HEATR4: variants seen among roughly 807,000 people sequenced by gnomAD.
HEATR4 encodes the protein HEAT repeat-containing protein 4.
In HEATR4, 95 loss-of-function variants were observed where a neutral mutation model predicts 108.8. The observed-to-expected ratio is 0.87, with a 90% CI of 0.74 to 1.04. The LOEUF (loss-of-function observed/expected upper bound fraction) is 1.04. HEATR4 is among the 50% of genes least tolerant of loss of function. The pLI is 0.00. For missense variants in HEATR4, 1,152 were observed against 1,253.8 expected, an observed-to-expected ratio of 0.92 and a Z score of 1.23; for synonymous variants, 443 against 459.4, an observed-to-expected ratio of 0.96 and a Z score of 0.46.
At chr14:73,583,738 G>A in the HEATR4 span, among the ~76,000 whole-genome samples, 3 of 151,876 alleles carry the variant, frequency 2.0e-5, no homozygotes, top group Admixed American at 1.3e-4. Flanking sequence ...GGTGGCTCAC[G>A]CCTGTAATCC....
chr14:73,514,383 G>C, intron 5 of HEATR4, 149 bp from the exon 6 acceptor site: 1 of 669,470 alleles, frequency 1.5e-6, no homozygotes, highest in Non-Finnish European at 2.6e-6. Context: ...ATTATATGGG[G>C]AACTGAGTAC....
chr14:73,491,193 C>G (rs1885700953), intron 17 of HEATR4: 1 of 1,596,838 alleles, frequency 6.3e-7, no homozygotes, highest in Non-Finnish European at 8.5e-7. Flanking sequence ...CAGACGCTGC[C>G]TAGCGAGAAC....
At chr14:73,607,959 C>G in the HEATR4 span, among the ~76,000 whole-genome samples, 2 of 150,052 alleles carry the variant, frequency 1.3e-5, no homozygotes, top group Non-Finnish European at 3.0e-5. Flanking sequence ...GAGTCTTGCT[C>G]TGTTGCCCAG....
chr14:73,492,899 G>C lies in HEATR4; in HGVS notation c.2844+167C>G. On this transcript the variant is annotated intron_variant, in intron 17 of 17. Transcript: ENST00000553558. The surrounding 1 kb of genome is among the most constrained non-coding windows in gnomAD (Gnocchi z 4.9). Reference sequence around the variant, plus strand: ...GCTGTCCTTGGCAACCACGTTGTATGATAAGGGGCTGCTGCTCACTAAGAT... The same window carrying C: ...GCTGTCCTTGGCAACCACGTTGTATCATAAGGGGCTGCTGCTCACTAAGAT... The C allele has an allele frequency of 6.2e-7, 1 of 1,613,692 alleles. No individual in the cohort carries two copies. Among genetic ancestry groups the C allele is most frequent in the Non-Finnish European group, 8.5e-7 (1 of 1,179,824 alleles).
the HEATR4 span, among the ~76,000 whole-genome samples, chr14:73,621,211 C>A: frequency 7.1e-6 from 1 of 140,276 alleles, no homozygotes; most frequent in Non-Finnish European, 1.6e-5. Flanking sequence ...AAAACTCTGT[C>A]TCAAAAAACA....
At position 73,529,734 on chromosome 14, in the gene HEATR4, C is replaced by T. The variant is rs1183919427; in HGVS notation, c.-73+432G>A. On this transcript the variant is annotated intron_variant, in intron 2 of 17. Transcript: ENST00000553558. ...CAAGTGGTCAAAGTAGGTTGAGTAA[C>T]GTGTGCTAAAAGGAGTAATATCTTG... 3.3e-5 allele frequency among the ~76,000 whole-genome samples: 5 copies of T among 152,166 alleles called. No homozygotes were observed. In the South Asian group the frequency reaches 6.2e-4, roughly 19 times the overall value.
chr14:73,495,422 C>CA, intron 15 of HEATR4, 35 bp from the exon 16 acceptor site: 1 of 1,562,958 alleles, frequency 6.4e-7, no homozygotes, highest in Non-Finnish European at 8.8e-7. Context: ...AAAAACAAAA[C>CA]AAAACACCTG....
intron 17 of HEATR4, among the ~76,000 whole-genome samples, 165 bp from the exon 18 acceptor site, chr14:73,479,007 C>CAGCCTACTCT (rs1244414619): frequency 1.3e-5 from 2 of 151,954 alleles, no homozygotes; most frequent in East Asian, 3.9e-4. Context: ...GGCGCAATCT[C>CAGCCTACTCT]GGCTTACTGC....
the HEATR4 span, among the ~76,000 whole-genome samples, chr14:73,609,299 C>G: frequency 6.6e-6 from 1 of 152,034 alleles, no homozygotes; most frequent in African/African-American, 2.4e-5. Context: ...TGGGAGTGAG[C>G]CAAACATGGG....
At chr14:73,607,600 AG>A in the HEATR4 span, among the ~76,000 whole-genome samples, 3 of 151,902 alleles carry the variant, frequency 2.0e-5, no homozygotes, top group South Asian at 6.2e-4. Flanking sequence ...TTTTCTCCCC[AG>A]AAAATAGGGT....
In HEATR4 at chr14:73,492,286, C is replaced by G; in HGVS notation, c.2844+780G>C. ...CTCTGCACCTCACCTTGTCCACGTA[C>G]CAGCGCAATACCTGGGGTGACTTCT... On this transcript the variant is annotated intron_variant, in intron 17 of 17. Coordinates refer to ENST00000553558, the MANE Select transcript of HEATR4 (RefSeq NM_001220484.1). The surrounding 1 kb of genome is among the most constrained non-coding windows in gnomAD (Gnocchi z 4.9). 1.2e-6 allele frequency: 2 copies of G among 1,614,048 alleles called. No homozygotes were observed. Among genetic ancestry groups the G allele is most frequent in the Non-Finnish European group, 1.7e-6 (2 of 1,179,906 alleles).
At chr14:73,593,005 T>G in the HEATR4 span, among the ~76,000 whole-genome samples, 2 of 152,380 alleles carry the variant, frequency 1.3e-5, no homozygotes, top group South Asian at 4.1e-4. Context: ...AGGTACATTA[T>G]CCACTTTGCT....
chr14:73,496,527 T>G (rs1886117156), intron 15 of HEATR4, 74 bp downstream of exon 15: 2 of 883,178 alleles, frequency 2.3e-6, no homozygotes, highest in Non-Finnish European at 3.8e-6. Context: ...TGTACATGTT[T>G]GAGGAGGACA....
At chr14:73,512,203 T>C in intron 6 of HEATR4, 54 bp from the exon 7 acceptor site, 2 of 1,596,148 alleles carry the variant, frequency 1.3e-6, no homozygotes, top group Non-Finnish European at 8.6e-7. Flanking sequence ...GGTTAGATAT[T>C]GTGCTGCAGG....
At chr14:73,501,149 C>T (rs1006195154) in intron 11 of HEATR4, among the ~76,000 whole-genome samples, 34 of 152,066 alleles carry the variant, frequency 2.2e-4, no homozygotes, top group African/African-American at 2.7e-4. Flanking sequence ...GATGGAGTCT[C>T]GCTCTGTTGC....
In HEATR4 at chr14:73,522,357, C is replaced by T. The variant is rs1400437299; in HGVS notation, c.796G>A (p.Glu266Lys). 1.9e-6 allele frequency: 3 copies of T among 1,614,148 alleles called. No homozygotes were observed. In the African/African-American group the frequency reaches 4.0e-5, roughly 22 times the overall value. The change falls in exon 3 of 18, where the codon GAG becomes AAG. Residue 266 changes from glutamate to lysine, a missense_variant. Physicochemically the swap from Glu to Lys is moderately conservative, Grantham distance 56. Transcript: ENST00000553558. ...LELLKQLEAE[E>K]TAEFEDQSVI... ...CTTTGATCCTCAAACTCTGCTGTCT[C>T]TTCTGCCTCCAGCTGTTTCAGGAGC...
At chr14:73,587,158 A>T in the HEATR4 span, among the ~76,000 whole-genome samples, 1 of 151,170 alleles carries the variant, frequency 6.6e-6, no homozygotes, top group Admixed American at 6.6e-5. Flanking sequence ...CAAAAAAAAG[A>T]TGATTTCTTC....
At chr14:73,576,272 A>C in the HEATR4 span, among the ~76,000 whole-genome samples, 1 of 152,060 alleles carries the variant, frequency 6.6e-6, no homozygotes, top group African/African-American at 2.4e-5. Flanking sequence ...ATGGAAGTTA[A>C]CATCTTGCCT....
chr14:73,500,279 CT>C (rs751356844), intron 12 of HEATR4, among the ~76,000 whole-genome samples: 9,125 of 139,770 alleles, frequency 0.065, 744 homozygotes, highest in African/African-American at 0.19. Context: ...ATGCACGGAC[CT>C]TTTTTTTTTT....
Sources: gnomAD v4.1 joint callset for allele counts (sites outside exome capture counted in the v4.1 genomes callset) on GRCh38, gnomAD v4.1.1 for gene constraint, Gnocchi (gnomAD v3.1) non-coding constraint, MANE v1.5 for transcripts, NCBI Gene and HGNC (gene_info 2026-07-23, HGNC 2026-07-21) for gene names.